VWA5B1: variants seen among roughly 807,000 people sequenced by gnomAD.
The protein encoded by VWA5B1 is von Willebrand factor A domain containing 5B1, also known as von Willebrand factor A domain-containing protein 5B1.
VWA5B1 carries 115 observed loss-of-function variants against 118.2 expected under a neutral mutation model. That is an observed-to-expected ratio of 0.97 (90% confidence interval 0.84 to 1.14). VWA5B1 has a LOEUF of 1.14. Ranked by LOEUF, VWA5B1 falls within the 50% of genes most tolerant of loss-of-function variation. VWA5B1 has a pLI of 0.00. For missense variants in VWA5B1, 1,596 were observed against 1,603.8 expected (o/e 1.00, Z 0.08); for synonymous variants, 682 against 658.4 (o/e 1.04, Z -0.55).
At chr1:20,334,540 A>G (rs1481053152) in intron 12 of VWA5B1, among the ~76,000 whole-genome samples, 4 of 152,218 alleles carry the variant, frequency 2.6e-5, no homozygotes, top group Non-Finnish European at 5.9e-5. Context: ...GCCGGGCACG[A>G]TGGCTCACGC....
At chr1:20,314,823 A>G (rs2088956653) in intron 4 of VWA5B1, among the ~76,000 whole-genome samples, 1 of 151,454 alleles carries the variant, frequency 6.6e-6, no homozygotes, top group Non-Finnish European at 1.5e-5. Flanking sequence ...TGAAATTTGG[A>G]CAGCTTGGAA....
chr1:20,296,065 G>C (rs1190092251), intron 1 of VWA5B1, among the ~76,000 whole-genome samples: 1 of 152,132 alleles, frequency 6.6e-6, no homozygotes, highest in Non-Finnish European at 1.5e-5. Context: ...ATTTTCCCAT[G>C]TTAGCCAGGC....
chr1:20,331,051 C>T lies in VWA5B1; in HGVS notation c.1572+68C>T, dbSNP rs1570159809. The T allele has an allele frequency of 8.9e-6, 12 of 1,340,850 alleles. No individual in the cohort carries two copies. The East Asian group carries it at 3.0e-4, about 34-fold the overall frequency. 83.1% of individuals were successfully genotyped at this position (1,340,850 alleles called of 1,614,324 possible). On this transcript the variant is annotated intron_variant, in intron 11 of 21. Coordinates refer to ENST00000289815, the MANE Select transcript of VWA5B1 (RefSeq NM_001039500.3). ...TCAGAGGCTCAGACCAGTCACATGG[C>T]AACTCAGTGGTGGAGCTGGGATGAC...
intron 1 of VWA5B1, among the ~76,000 whole-genome samples, chr1:20,297,996 A>T (rs1425325955): frequency 7.9e-5 from 10 of 126,656 alleles, no homozygotes; most frequent in East Asian, 5.2e-4. Flanking sequence ...TCGGTGGTGG[A>T]TTTTTTTTTT....
intron 1 of VWA5B1, among the ~76,000 whole-genome samples, chr1:20,300,270 TC>T (rs1226268216): frequency 6.6e-6 from 1 of 152,076 alleles, no homozygotes; most frequent in African/African-American, 2.4e-5. Flanking sequence ...ACAGATCCCT[TC>T]AACTGGGCGG....
At position 20,337,635 on chromosome 1, in the gene VWA5B1, T is replaced by G. The variant is rs57312184; in HGVS notation, c.1943-11T>G. 1 of 1,548,548 alleles carries G rather than the reference T, an allele frequency of 6.5e-7. No homozygotes were observed. The highest frequency in any genetic ancestry group is 8.7e-7 in the Non-Finnish European group (1 of 1,145,160). ...CCACTCTGATGGTTCCCCATCACTA[T>G]CCCTGTCCAGATCTGAACCTCTCTC... is the stretch of plus-strand genomic sequence containing the variant. On this transcript the variant is annotated splice_polypyrimidine_tract_variant and intron_variant, in intron 13 of 21. Coordinates refer to ENST00000289815, the MANE Select transcript of VWA5B1 (RefSeq NM_001039500.3).
chr1:20,312,810 C>G, intron 2 of VWA5B1, 26 bp from the exon 3 acceptor site: 2 of 1,533,876 alleles, frequency 1.3e-6, no homozygotes, highest in African/African-American at 1.4e-5. Context: ...TGGGGCACCC[C>G]GTGATGCTGG....
intron 1 of VWA5B1, among the ~76,000 whole-genome samples, chr1:20,291,359 T>TCTCTCTCTCTCTCTCTCTCTCTC (rs2088297636): frequency 4.8e-5 from 5 of 103,340 alleles, no homozygotes; most frequent in African/African-American, 1.1e-4. Context: ...CTTTCTTTCT[T>TCTCTCTCTCTCTCTCTCTCTCTC]TCTCTCTCTC....
At chr1:20,322,611 A>G (rs2089254629) in intron 7 of VWA5B1, among the ~76,000 whole-genome samples, 1 of 152,224 alleles carries the variant, frequency 6.6e-6, no homozygotes, top group Non-Finnish European at 1.5e-5. Flanking sequence ...CGGGAGGCAG[A>G]GATCGGAGCA....
At chr1:20,333,814 C>A (rs1557429092) in intron 12 of VWA5B1, among the ~76,000 whole-genome samples, 2 of 152,198 alleles carry the variant, frequency 1.3e-5, no homozygotes, top group Non-Finnish European at 2.9e-5. Context: ...CCTATCTTTC[C>A]TCTTTCGTGA....
chr1:20,336,536 G>A (rs994255247), intron 13 of VWA5B1, 50 bp downstream of exon 13: 2 of 1,302,496 alleles, frequency 1.5e-6, no homozygotes, highest in Non-Finnish European at 2.0e-6. Context: ...CACTTACTAT[G>A]TGCTAAGCAC....
chr1:20,330,469 A>G (rs554038161), intron 10 of VWA5B1, 87 bp downstream of exon 10: 1 of 1,461,544 alleles, frequency 6.8e-7, no homozygotes, highest in Non-Finnish European at 9.3e-7. Context: ...GGAAAATGCC[A>G]GAGGGAGAGG....
At position 20,358,017 on chromosome 1, in the gene VWA5B1, C is replaced by T. The variant is rs1268159347; in HGVS notation, c.*3754C>T. 1.3e-5 allele frequency among the ~76,000 whole-genome samples: 2 copies of T among 152,202 alleles called. No homozygotes were observed. The highest frequency in any genetic ancestry group is 4.8e-5 in the African/African-American group (2 of 41,440). ...TGTCTCAGGCCCCTCAGCTCGAGAC[C>T]AACTCCAGATGCCAGGATAACTGGG... is the stretch of plus-strand genomic sequence containing the variant. On this transcript the variant is annotated 3_prime_UTR_variant, in exon 22 of 22. Transcript: ENST00000289815.
intron 21 of VWA5B1, among the ~76,000 whole-genome samples, chr1:20,353,338 T>C (rs1485131582): frequency 6.6e-6 from 1 of 150,620 alleles, no homozygotes; most frequent in Non-Finnish European, 1.5e-5. Context: ...GGATTGGGGG[T>C]GGGGAGAGGG....
chr1:20,350,263 A>G, intron 19 of VWA5B1, 33 bp downstream of exon 19: 7 of 1,549,818 alleles, frequency 4.5e-6, no homozygotes, highest in Non-Finnish European at 6.1e-6. Flanking sequence ...CTCTTCATCA[A>G]GATGGTGACA....
chr1:20,317,655 G>A lies in VWA5B1; in HGVS notation c.689G>A (p.Arg230His), dbSNP rs768569085. 1.7e-5 allele frequency: 27 copies of A among 1,551,378 alleles called. No individual in the cohort carries two copies. The highest frequency in any genetic ancestry group is 1.7e-4 in the Middle Eastern group (1 of 6,014). ...GAGTTCAACTTCCAGCTGGAGATCC[G>A]TGGGCCATGTCTGCTCGCAGGTGAG... Reference protein sequence around the residue: ...EYEFNFQLEIRGPCLLAGVES... With the variant: ...EYEFNFQLEIHGPCLLAGVES... Residue 230 changes from arginine (R) to histidine (H), a missense_variant, in exon 5 of 22, where the codon CGT (arginine) becomes CAT (histidine). Arg to His is a conservative substitution (Grantham distance 29). Coordinates refer to ENST00000289815, the MANE Select transcript of VWA5B1 (RefSeq NM_001039500.3).
At position 20,324,534 on chromosome 1, in the gene VWA5B1, T is replaced by C. The variant is rs559459579; in HGVS notation, c.1143+1002T>C. Among the ~76,000 whole-genome samples the C allele has an allele frequency of 9.2e-5, 14 of 152,330 alleles. No homozygotes were observed. The East Asian group carries it at 2.7e-3, about 29-fold the overall frequency. On this transcript the variant is annotated intron_variant, in intron 8 of 21. Transcript: ENST00000289815. ...TCTTTTTCCATGGGGCCTAGCTCTGTGTTTATGCATAAAAAGCCTTCTATC... is the reference window on the plus strand; with the variant it reads ...TCTTTTTCCATGGGGCCTAGCTCTGCGTTTATGCATAAAAAGCCTTCTATC...
At chr1:20,343,507 T>C in intron 16 of VWA5B1, 114 bp downstream of exon 16, 4 of 1,381,854 alleles carry the variant, frequency 2.9e-6, no homozygotes, top group Middle Eastern at 2.7e-4. Context: ...CCCCGCGTGG[T>C]CCGCCCACCT....
At chr1:20,322,022 G>A (rs1256699242) in intron 7 of VWA5B1, among the ~76,000 whole-genome samples, 1 of 152,188 alleles carries the variant, frequency 6.6e-6, no homozygotes, top group African/African-American at 2.4e-5. Flanking sequence ...GAGAAAGAGA[G>A]CAGGATGAGA....
Sources: allele counts gnomAD v4.1 joint callset (sites outside exome capture counted in the v4.1 genomes callset), GRCh38; gene constraint gnomAD v4.1.1; transcripts MANE v1.5; gene names NCBI Gene and HGNC (gene_info 2026-07-23, HGNC 2026-07-21).